CLIP2: variants seen among roughly 807,000 people sequenced by gnomAD.
CLIP2 encodes the protein CAP-Gly domain-containing linker protein 2.
CLIP2 carries 41 observed loss-of-function variants against 111.7 expected under a neutral mutation model. That is an observed-to-expected ratio of 0.37 (90% confidence interval 0.29 to 0.48). The LOEUF (loss-of-function observed/expected upper bound fraction) is 0.48, where lower values mean the gene tolerates loss of function less well. Ranked by LOEUF, CLIP2 falls within the 20% of genes least tolerant of loss-of-function variation. CLIP2 has a pLI of 0.99. For synonymous variants in CLIP2, 660 were observed against 644.2 expected, an observed-to-expected ratio of 1.02 and a Z score of -0.37; for missense variants, 1,160 against 1,422.1, an observed-to-expected ratio of 0.82 and a Z score of 2.96.
intron 2 of CLIP2, among the ~76,000 whole-genome samples, chr7:74,336,576 GA>G (rs1789466096): frequency 6.6e-6 from 1 of 152,124 alleles, no homozygotes; most frequent in East Asian, 1.9e-4. Flanking sequence ...CAGTATGGGG[GA>G]AACCACCCCT....
chr7:74,394,705 C>G (rs1791399553), intron 13 of CLIP2, among the ~76,000 whole-genome samples: 1 of 152,194 alleles, frequency 6.6e-6, no homozygotes, highest in South Asian at 2.1e-4. Flanking sequence ...AAACTGTAGC[C>G]CTGCCCAGGA....
chr7:74,388,821 T>G (rs1584385853), intron 12 of CLIP2: 1 of 256,146 alleles, frequency 3.9e-6, no homozygotes, highest in Non-Finnish European at 7.3e-6. Context: ...CCAGGTATGA[T>G]GGTGCACTCC....
At chr7:74,388,321 ACT>A (rs1163811566) in intron 12 of CLIP2, among the ~76,000 whole-genome samples, 1 of 151,344 alleles carries the variant, frequency 6.6e-6, no homozygotes, top group Non-Finnish European at 1.5e-5. Context: ...GCGGAGTGAG[ACT>A]CTATCACACA....
intron 1 of CLIP2, among the ~76,000 whole-genome samples, chr7:74,305,109 C>T (rs1788441825): frequency 7.4e-6 from 1 of 135,516 alleles, no homozygotes; most frequent in African/African-American, 2.5e-5. Flanking sequence ...AGGGAGGACC[C>T]TCTAGGGGAC....
rs1554308471 is a variant in CLIP2 at position 74,356,406 on chromosome 7, A to G, written c.804-4A>G. The G allele has an allele frequency of 1.9e-6, 3 of 1,613,904 alleles. No individual in the cohort carries two copies. The Admixed American group carries it at 5.0e-5, about 27-fold the overall frequency. On this transcript the variant is annotated splice_polypyrimidine_tract_variant and splice_region_variant and intron_variant, in intron 4 of 16. Coordinates refer to ENST00000223398, the MANE Select transcript of CLIP2 (RefSeq NM_003388.5). The stretch of plus-strand genomic sequence containing the variant: ...AGCAGCTTGGGTCTCTCCTGCTTCC[A>G]CAGGTACTTCCAGTGCCCACCCAAG...
intron 11 of CLIP2, among the ~76,000 whole-genome samples, chr7:74,384,333 C>G (rs1423649226): frequency 1.3e-5 from 2 of 151,842 alleles, no homozygotes; most frequent in Non-Finnish European, 2.9e-5. Flanking sequence ...TACCTTTTGG[C>G]TATTGTGAAT....
intron 2 of CLIP2, among the ~76,000 whole-genome samples, chr7:74,333,376 G>A (rs1271404619): frequency 1.3e-5 from 2 of 151,960 alleles, no homozygotes; most frequent in African/African-American, 4.8e-5. Flanking sequence ...TAGAGATGGG[G>A]TTTCACCATG....
chr7:74,326,793 C>T (rs1337450635), intron 2 of CLIP2, among the ~76,000 whole-genome samples: 2 of 150,220 alleles, frequency 1.3e-5, no homozygotes, highest in South Asian at 4.2e-4. Context: ...TGTGCCACCA[C>T]GCCTGGCTAA....
intron 10 of CLIP2, among the ~76,000 whole-genome samples, chr7:74,377,214 GCCTATC>G (rs1366781226): frequency 4.6e-5 from 7 of 152,144 alleles, no homozygotes; most frequent in Non-Finnish European, 8.8e-5. Flanking sequence ...GGCAAGCTCT[GCCTATC>G]CCCCTGGGGG....
chr7:74,379,469 AATT>A (rs1790882642), intron 10 of CLIP2, among the ~76,000 whole-genome samples: 1 of 152,134 alleles, frequency 6.6e-6, no homozygotes, highest in African/African-American at 2.4e-5. Context: ...GAATTTTAAA[AATT>A]ATTTTAGTGG....
chr7:74,360,115 A>C, intron 6 of CLIP2, 60 bp from the exon 7 acceptor site: 2 of 1,420,224 alleles, frequency 1.4e-6, no homozygotes, highest in South Asian at 2.5e-5. Flanking sequence ...CCACACCACC[A>C]ACCTGGACCC....
At chr7:74,345,691 A>T (rs1789780052) in intron 3 of CLIP2, among the ~76,000 whole-genome samples, 1 of 151,734 alleles carries the variant, frequency 6.6e-6, no homozygotes, top group African/African-American at 2.4e-5. Flanking sequence ...TGCTAAAGGT[A>T]CAAAAATTAG....
At chr7:74,358,501 G>A (rs1554309019) in intron 6 of CLIP2, among the ~76,000 whole-genome samples, 1 of 151,892 alleles carries the variant, frequency 6.6e-6, no homozygotes, top group African/African-American at 2.4e-5. Context: ...GGCCTAATCT[G>A]CTTTTCTTCC....
chr7:74,391,904 C>T (rs557772672), intron 13 of CLIP2, among the ~76,000 whole-genome samples: 17 of 151,838 alleles, frequency 1.1e-4, no homozygotes, highest in Non-Finnish European at 2.5e-4. Flanking sequence ...CTCCACATTC[C>T]CTTAAAAAAT....
intron 16 of CLIP2, among the ~76,000 whole-genome samples, chr7:74,402,409 C>T (rs1421318491): frequency 2.6e-5 from 4 of 151,208 alleles, no homozygotes; most frequent in Non-Finnish European, 5.9e-5. Context: ...CCCAGCTACA[C>T]GGGAAGCTGA....
intron 13 of CLIP2, among the ~76,000 whole-genome samples, chr7:74,393,246 T>C (rs943495126): frequency 6.6e-6 from 1 of 151,974 alleles, no homozygotes; most frequent in African/African-American, 2.4e-5. Context: ...CAGGCTGGTC[T>C]CCAACTCCTA....
rs1018141700 is a variant in CLIP2, at chr7:74,404,084, C to G, written c.*236C>G. 9.6e-6 allele frequency: 5 copies of G among 521,686 alleles called. No individual in the cohort carries two copies. The highest frequency in any genetic ancestry group is 8.4e-5 in the South Asian group (4 of 47,542). The allele number at this position is 521,686 out of a possible 1,614,324, so 32.3% of individuals were successfully genotyped here. On this transcript the variant is annotated 3_prime_UTR_variant, in exon 17 of 17. Coordinates refer to ENST00000223398, the MANE Select transcript of CLIP2 (RefSeq NM_003388.5). The stretch of plus-strand genomic sequence containing the variant: ...TGAACGGTACAGCCCCGGCCTGACC[C>G]GGGGACCTTCAGCCTGGACACCCGG...
chr7:74,338,273 G>A lies in CLIP2; in HGVS notation c.122-175G>A, dbSNP rs1163152349. On this transcript the variant is annotated intron_variant, in intron 2 of 16. Coordinates refer to ENST00000223398, the MANE Select transcript of CLIP2 (RefSeq NM_003388.5). The surrounding 1 kb of genome is among the most constrained non-coding windows in gnomAD (Gnocchi z 4.3). ...TCCCAGCAATTTGGGAAGCCAAGGCGGGCGGATTTCTTGAGGTCAGGAGTT... is the reference window on the plus strand; with the variant it reads ...TCCCAGCAATTTGGGAAGCCAAGGCAGGCGGATTTCTTGAGGTCAGGAGTT... Among the ~76,000 whole-genome samples the A allele has an allele frequency of 5.9e-5, 9 of 152,118 alleles. No individual in the cohort carries two copies. Among genetic ancestry groups the A allele is most frequent in the Non-Finnish European group, 1.0e-4 (7 of 68,022 alleles).
chr7:74,369,854 CAAAAAAAAAAAA>C (rs58294211), intron 8 of CLIP2, among the ~76,000 whole-genome samples: 1 of 9,504 alleles, frequency 1.1e-4, no homozygotes, highest in African/African-American at 3.1e-4. Flanking sequence ...GACTCTGCCT[CAAAAAAAAAAAA>C]AAAAAAAAAA....
Sources: allele counts gnomAD v4.1 joint callset (sites outside exome capture counted in the v4.1 genomes callset), GRCh38; gene constraint gnomAD v4.1.1; non-coding constraint Gnocchi (gnomAD v3.1); transcripts MANE v1.5; gene names NCBI Gene and HGNC (gene_info 2026-07-23, HGNC 2026-07-21).